FHIT: variants seen among roughly 807,000 people sequenced by gnomAD.
FHIT encodes fragile histidine triad diadenosine triphosphatase.
A neutral mutation model predicts 17.9 loss-of-function variants in FHIT; 19 were observed. That is an observed-to-expected ratio of 1.06 (90% CI 0.74 to 1.56). FHIT has a LOEUF of 1.56. Among genes scored for constraint, FHIT ranks in the 40% most tolerant of loss-of-function variants. The pLI is 0.00. For missense variants in FHIT, 248 were observed against 189.2 expected (o/e 1.31, Z -1.82); for synonymous variants, 81 against 69.7 (o/e 1.16, Z -0.81).
intron 5 of FHIT, among the ~76,000 whole-genome samples, chr3:60,347,505 T>C (rs566605571): frequency 6.6e-6 from 1 of 152,120 alleles, no homozygotes; most frequent in Non-Finnish European, 1.5e-5. Context: ...TGCAATTTAC[T>C]AAAACAAAAC....
chr3:60,626,841 G>A (rs2039303138), intron 4 of FHIT, among the ~76,000 whole-genome samples: 1 of 126,450 alleles, frequency 7.9e-6, no homozygotes, highest in Non-Finnish European at 1.6e-5. Context: ...TTTTAATAAT[G>A]CTTTTTATCA....
At chr3:60,714,170 C>T (rs1421318630) in intron 4 of FHIT, among the ~76,000 whole-genome samples, 12 of 152,110 alleles carry the variant, frequency 7.9e-5, no homozygotes, top group African/African-American at 2.9e-4. Context: ...TAAACAGAAC[C>T]AAAGACAAAA....
At chr3:61,098,337 T>C (rs1432036539) in intron 2 of FHIT, among the ~76,000 whole-genome samples, 2 of 152,156 alleles carry the variant, frequency 1.3e-5, no homozygotes, top group Non-Finnish European at 2.9e-5. Flanking sequence ...AGCCATGCTG[T>C]TTTGGTCACT....
intron 2 of FHIT, among the ~76,000 whole-genome samples, chr3:61,071,136 C>T (rs1456985979): frequency 6.6e-6 from 1 of 152,010 alleles, no homozygotes; most frequent in Non-Finnish European, 1.5e-5. Flanking sequence ...CTCAGCAATC[C>T]CCTTGAGAAA....
chr3:60,568,182 C>T (rs2107656218), intron 4 of FHIT, among the ~76,000 whole-genome samples: 1 of 152,198 alleles, frequency 6.6e-6, no homozygotes, highest in South Asian at 2.1e-4. Flanking sequence ...GCACTACTCA[C>T]AATAGCAAAG....
intron 8 of FHIT, among the ~76,000 whole-genome samples, chr3:59,799,397 G>A (rs890319895): frequency 2.8e-5 from 4 of 141,472 alleles, no homozygotes; most frequent in African/African-American, 7.6e-5. Flanking sequence ...GGGCACGGAC[G>A]TTTGGTTTCT....
chr3:60,252,541 G>A (rs993805976), intron 5 of FHIT, among the ~76,000 whole-genome samples: 3 of 152,030 alleles, frequency 2.0e-5, no homozygotes, highest in Admixed American at 6.6e-5. Flanking sequence ...TCTAGCCTGG[G>A]CGACAGTGAA....
chr3:60,738,310 A>C (rs1269717317), intron 4 of FHIT, among the ~76,000 whole-genome samples: 1 of 152,218 alleles, frequency 6.6e-6, no homozygotes, highest in African/African-American at 2.4e-5. Context: ...ATAGTATTAC[A>C]GTTCAGTGAA....
At chr3:61,081,215 A>G (rs1008180375) in intron 2 of FHIT, among the ~76,000 whole-genome samples, 1 of 152,150 alleles carries the variant, frequency 6.6e-6, no homozygotes, top group Non-Finnish European at 1.5e-5. Context: ...CCAGGGTTCC[A>G]CTTCCAGCTG....
At chr3:60,944,052 T>G (rs556716418) in intron 3 of FHIT, among the ~76,000 whole-genome samples, 1 of 152,254 alleles carries the variant, frequency 6.6e-6, no homozygotes, top group South Asian at 2.1e-4. Context: ...CCTTGACAAT[T>G]GAATTAGTAT....
Position 60,569,742 on chromosome 3 carries a change from T to TACATATAC in FHIT, c.-17-32764_-17-32763insGTATATGT, listed in dbSNP as rs1435150265. On this transcript the variant is annotated intron_variant, in intron 4 of 9. Transcript: ENST00000492590. Reference sequence around the variant, plus strand: ...TATTAATACTATATATATATATATATATATATATATATATTTTTTTTTTTT... The same window carrying TACATATAC: ...TATTAATACTATATATATATATATATACATATACATATATATATATATTTTTTTTTTTT... 1.4e-4 allele frequency among the ~76,000 whole-genome samples: 9 copies of TACATATAC among 66,066 alleles called. No homozygotes were observed. The Admixed American group carries it at 1.7e-3, about 13-fold the overall frequency. 43.3% of individuals were successfully genotyped at this position (66,066 alleles called of 152,430 possible).
intron 4 of FHIT, among the ~76,000 whole-genome samples, chr3:60,687,930 A>T (rs375535092): frequency 1.3e-5 from 2 of 152,206 alleles, no homozygotes; most frequent in East Asian, 3.9e-4. Context: ...ATATTTTTAT[A>T]GCCTTTGATT....
At chr3:59,861,769 T>C (rs1191172823) in intron 8 of FHIT, among the ~76,000 whole-genome samples, 1 of 152,190 alleles carries the variant, frequency 6.6e-6, no homozygotes, top group African/African-American at 2.4e-5. Flanking sequence ...TTTCTTTCTC[T>C]CATCAATATA....
chr3:60,377,267 C>T (rs990087880), intron 5 of FHIT, among the ~76,000 whole-genome samples: 26 of 149,402 alleles, frequency 1.7e-4, no homozygotes, highest in African/African-American at 3.7e-4. Flanking sequence ...GGTGCGATCT[C>T]GGCGATGCCT....
At chr3:59,843,513 T>C (rs980876960) in intron 8 of FHIT, among the ~76,000 whole-genome samples, 5 of 152,208 alleles carry the variant, frequency 3.3e-5, no homozygotes, top group Admixed American at 6.5e-5. Context: ...TTGTATAGTA[T>C]TGAAAACAAT....
chr3:60,058,751 A>C (rs1012995164), intron 5 of FHIT, among the ~76,000 whole-genome samples: 3 of 152,208 alleles, frequency 2.0e-5, no homozygotes, highest in African/African-American at 7.2e-5. Flanking sequence ...GTGTTAAGAA[A>C]GATTATGAGG....
At chr3:60,484,523 A>G (rs1160383357) in intron 5 of FHIT, among the ~76,000 whole-genome samples, 1 of 152,218 alleles carries the variant, frequency 6.6e-6, no homozygotes, top group Non-Finnish European at 1.5e-5. Flanking sequence ...CCACTCATCT[A>G]TAACCATCTG....
chr3:60,610,330 T>G (rs1480275704), intron 4 of FHIT, among the ~76,000 whole-genome samples: 2 of 152,172 alleles, frequency 1.3e-5, no homozygotes. Flanking sequence ...ATTGTTTCTA[T>G]TAATTAATGA....
chr3:61,132,446 T>C (rs1419866399), intron 2 of FHIT, among the ~76,000 whole-genome samples: 2 of 152,210 alleles, frequency 1.3e-5, no homozygotes. Flanking sequence ...TGGTGCCAGA[T>C]AAACACATGT....
Sources: gnomAD v4.1 joint callset for allele counts (sites outside exome capture counted in the v4.1 genomes callset) on GRCh38, gnomAD v4.1.1 for gene constraint, MANE v1.5 for transcripts, NCBI Gene and HGNC (gene_info 2026-07-23, HGNC 2026-07-21) for gene names.